The following CEP126 variants were observed in gnomAD, a reference collection of about 807,000 sequenced individuals.
CEP126 encodes centrosomal protein of 126 kDa.
CEP126 carries 74 observed loss-of-function variants against 107.8 expected under a neutral mutation model. That is an observed-to-expected ratio of 0.69 (90% CI 0.57 to 0.83). CEP126 has a LOEUF of 0.83. CEP126 is among the 40% of genes least tolerant of loss of function. The probability of loss-of-function intolerance (pLI) is 0.00; values close to 1 mark genes in which losing one functional copy is unlikely to be tolerated. For synonymous variants in CEP126, 449 were observed against 446.0 expected (o/e 1.01, Z -0.08); for missense variants, 1,237 against 1,281.9 (o/e 0.96, Z 0.53).
rs193150232 is a variant in CEP126 at position 101,962,849 on chromosome 11, A to G, written c.1814A>G (p.Lys605Arg). The change falls in exon 6 of 11, where the codon AAA (lysine) becomes AGA (arginine). Residue 605 changes from lysine (K) to arginine (R), a missense_variant. Physicochemically the swap from Lys to Arg is conservative, Grantham distance 26. Coordinates refer to ENST00000263468, the MANE Select transcript of CEP126 (RefSeq NM_020802.4). ...INQSFKFGNQ[K>R]AAAIRDSIEL... Reference sequence around the variant, plus strand: ...CAGAGCTTTAAGTTTGGAAATCAAAAAGCAGCAGCTATCAGAGATAGTATT... The same window carrying G: ...CAGAGCTTTAAGTTTGGAAATCAAAGAGCAGCAGCTATCAGAGATAGTATT... The G allele has an allele frequency of 3.9e-4, 625 of 1,605,044 alleles. 3 individuals carry two copies. Among genetic ancestry groups the G allele is most frequent in the Middle Eastern group, 2.2e-3 (13 of 5,994 alleles).
At chr11:101,995,580 G>A (rs771025715) in intron 10 of CEP126, among the ~76,000 whole-genome samples, 9 of 152,162 alleles carry the variant, frequency 5.9e-5, no homozygotes, top group South Asian at 2.1e-4. Context: ...CTGGGAGTTC[G>A]TGGGGAAGGG....
intron 4 of CEP126, chr11:101,956,014 A>G (rs1308355418): frequency 4.4e-6 from 2 of 456,374 alleles, no homozygotes; most frequent in Non-Finnish European, 8.8e-6. Flanking sequence ...ACCCAATTAA[A>G]TATCATCCTT....
At position 101,997,931 on chromosome 11, in the gene CEP126, T is replaced by A; in HGVS notation, c.*288T>A. On this transcript the variant is annotated 3_prime_UTR_variant, in exon 11 of 11. Transcript: ENST00000263468. ...ATGCCACAAGGATGAAGCTTGTGAG[T>A]AGAGCAAACAAACGTTTTTCCAAAG... is the stretch of plus-strand genomic sequence containing the variant. 3.2e-6 allele frequency: 1 copy of A among 307,858 alleles called. No homozygotes were observed. The highest frequency in any genetic ancestry group is 1.3e-4 in the South Asian group (1 of 7,982). The allele number at this position is 307,858 out of a possible 1,614,324, so 19.1% of individuals were successfully genotyped here.
intron 7 of CEP126, among the ~76,000 whole-genome samples, chr11:101,981,179 T>C (rs1165134104): frequency 1.3e-5 from 2 of 151,676 alleles, no homozygotes; most frequent in Non-Finnish European, 2.9e-5. Context: ...TAATTACCTA[T>C]CCTTGGCATT....
At position 101,944,137 on chromosome 11, in the gene CEP126, TA is replaced by T. The variant is rs745509993; in HGVS notation, c.249-124del. ...TGGCAAACACCTGTTTTAAAAAATTTAAAATTTGTTGTTTTTAAATAAAATT... is the reference window on the plus strand; with the variant it reads ...TGGCAAACACCTGTTTTAAAAAATTTAAATTTGTTGTTTTTAAATAAAATT... On this transcript the variant is annotated intron_variant, in intron 2 of 10. Transcript: ENST00000263468. 535 of 887,170 alleles carry T rather than the reference TA, an allele frequency of 6.0e-4. 3 individuals are homozygous for T. The Middle Eastern group carries it at 0.012, about 19-fold the overall frequency. The allele number at this position is 887,170 out of a possible 1,614,324, so 55.0% of individuals were successfully genotyped here. A position where few individuals can be genotyped will look rare whatever the true frequency, so the allele number is the denominator to read the frequency against.
At chr11:101,978,233 A>G in intron 6 of CEP126, 114 bp from the exon 7 acceptor site, 1 of 704,474 alleles carries the variant, frequency 1.4e-6, no homozygotes, top group Admixed American at 2.3e-5. Flanking sequence ...TAACTGAATG[A>G]ATTAAACTTA....
At chr11:101,986,029 C>G (rs1016672471) in intron 8 of CEP126, among the ~76,000 whole-genome samples, 87 of 136,696 alleles carry the variant, frequency 6.4e-4, no homozygotes, top group Non-Finnish European at 4.8e-4. Flanking sequence ...GAGCTCCAGG[C>G]TGGAGCACAG....
chr11:101,958,165 C>A lies in CEP126; in HGVS notation c.507-3C>A. 6.2e-7 allele frequency: 1 copy of A among 1,612,000 alleles called. No homozygotes were observed. The highest frequency in any genetic ancestry group is 8.5e-7 in the Non-Finnish European group (1 of 1,179,076). ...CTAAGCACTTTTTATGTCTGGTTCA[C>A]AGAGCTATAGATTCTGCCTTGCCTT... On this transcript the variant is annotated splice_polypyrimidine_tract_variant and splice_region_variant and intron_variant, in intron 4 of 10. Transcript: ENST00000263468.
At chr11:101,937,658 TG>T (rs1940602041) in intron 2 of CEP126, among the ~76,000 whole-genome samples, 1 of 152,036 alleles carries the variant, frequency 6.6e-6, no homozygotes, top group South Asian at 2.1e-4. Flanking sequence ...TGGTGGGGAG[TG>T]TTTTGTTCAC....
Position 101,963,706 on chromosome 11 carries a change from C to T in CEP126, c.2671C>T (p.His891Tyr), listed in dbSNP as rs761399265. ...SECQTFAKIN[H>Y]SNGTQAVARQ... Reference sequence around the variant, plus strand: ...GTGCCAAACTTTCGCAAAAATAAATCATTCAAATGGCACTCAAGCAGTTGC... The same window carrying T: ...GTGCCAAACTTTCGCAAAAATAAATTATTCAAATGGCACTCAAGCAGTTGC... Residue 891 changes from histidine to tyrosine, a missense_variant, in exon 6 of 11, where the codon CAT becomes TAT. Physicochemically the swap from His to Tyr is moderately conservative, Grantham distance 83. Transcript: ENST00000263468. 7 of 1,613,952 alleles carry T rather than the reference C, an allele frequency of 4.3e-6. No homozygotes were observed. In the South Asian group the frequency reaches 6.6e-5, roughly 15 times the overall value.
chr11:101,935,490 T>A (rs886487091), intron 2 of CEP126, among the ~76,000 whole-genome samples: 1 of 152,120 alleles, frequency 6.6e-6, no homozygotes, highest in Non-Finnish European at 1.5e-5. Flanking sequence ...TTATCATTCA[T>A]CTCAAATTAT....
rs1591295069 is a variant in CEP126, at chr11:101,986,730, A to T, written c.3035-102A>T. ...CTAGGTTTCTGCTTGTAATATGAAT[A>T]CATACAGACAGTTAAGCATGTATAA... On this transcript the variant is annotated intron_variant, in intron 8 of 10. Coordinates refer to ENST00000263468, the MANE Select transcript of CEP126 (RefSeq NM_020802.4). The T allele has an allele frequency of 2.3e-5, 17 of 745,996 alleles. No homozygotes were observed. In the South Asian group the frequency reaches 3.2e-4, roughly 14 times the overall value. The allele number at this position is 745,996 out of a possible 1,614,324, so 46.2% of individuals were successfully genotyped here.
At chr11:101,942,450 C>A (rs1430960988) in intron 2 of CEP126, among the ~76,000 whole-genome samples, 1 of 151,888 alleles carries the variant, frequency 6.6e-6, no homozygotes, top group Non-Finnish European at 1.5e-5. Context: ...TATTTCTGGG[C>A]TCTCTTTTCT....
rs752490036 is a variant in CEP126, at chr11:101,958,160, G to T, written c.507-8G>T. On this transcript the variant is annotated splice_polypyrimidine_tract_variant and splice_region_variant and intron_variant, in intron 4 of 10. Coordinates refer to ENST00000263468, the MANE Select transcript of CEP126 (RefSeq NM_020802.4). Reference sequence around the variant, plus strand: ...ATGTACTAAGCACTTTTTATGTCTGGTTCACAGAGCTATAGATTCTGCCTT... The same window carrying T: ...ATGTACTAAGCACTTTTTATGTCTGTTTCACAGAGCTATAGATTCTGCCTT... The T allele has an allele frequency of 6.2e-7, 1 of 1,610,868 alleles. No homozygotes were observed. The highest frequency in any genetic ancestry group is 1.3e-5 in the African/African-American group (1 of 74,682).
chr11:101,948,624 G>A (rs11225081), intron 4 of CEP126, among the ~76,000 whole-genome samples: 8,883 of 152,088 alleles, frequency 0.058, 476 homozygotes, highest in East Asian at 0.27. Flanking sequence ...GAAGTAATAG[G>A]ATGGACCAAT....
Position 101,915,218 on chromosome 11 carries a change from G to A in CEP126, c.-67G>A. 6.3e-7 allele frequency: 1 copy of A among 1,599,072 alleles called. No individual in the cohort carries two copies. On this transcript the variant is annotated 5_prime_UTR_variant, in exon 1 of 11. Transcript: ENST00000263468. ...TGTAGGGAGGGGCCGAGCAGGAGGAGGAGGAAGCCGGAGCTGCCATGAGGG... is the reference window on the plus strand; with the variant it reads ...TGTAGGGAGGGGCCGAGCAGGAGGAAGAGGAAGCCGGAGCTGCCATGAGGG...
At chr11:101,972,401 G>A (rs1418847511) in intron 6 of CEP126, among the ~76,000 whole-genome samples, 1 of 152,126 alleles carries the variant, frequency 6.6e-6, no homozygotes, top group Non-Finnish European at 1.5e-5. Context: ...ACTGCAGCCT[G>A]GGGGACAGAG....
At chr11:101,966,967 G>C (rs1941063570) in intron 6 of CEP126, among the ~76,000 whole-genome samples, 2 of 150,244 alleles carry the variant, frequency 1.3e-5, no homozygotes, top group Admixed American at 1.3e-4. Flanking sequence ...ACCCTACTGG[G>C]CTTCTTTAGT....
At chr11:101,984,408 A>T (rs1403637018) in intron 8 of CEP126, among the ~76,000 whole-genome samples, 1 of 152,214 alleles carries the variant, frequency 6.6e-6, no homozygotes, top group Admixed American at 6.5e-5. Flanking sequence ...TAAGCAAAAA[A>T]ATATACCTTC....
Sources: allele counts gnomAD v4.1 joint callset (sites outside exome capture counted in the v4.1 genomes callset), GRCh38; gene constraint gnomAD v4.1.1; transcripts MANE v1.5; gene names NCBI Gene and HGNC (gene_info 2026-07-23, HGNC 2026-07-21).